Variants in ZNF100 observed in about 807,000 individuals in gnomAD.
ZNF100 encodes zinc finger protein 100.
ZNF100 carries 12 observed loss-of-function variants against 15.8 expected under a neutral mutation model. The observed-to-expected ratio is 0.76, with a 90% CI of 0.49 to 1.23. ZNF100 has a LOEUF of 1.23. Ranked by LOEUF, ZNF100 falls within the 50% of genes most tolerant of loss-of-function variation. The pLI, the probability that ZNF100 is intolerant of heterozygous loss-of-function variation, is 0.00. For synonymous variants in ZNF100, 226 were observed against 214.8 expected (o/e 1.05, Z -0.45); for missense variants, 670 against 635.6 (o/e 1.05, Z -0.58).
chr19:21,753,087 CA>C (rs1181903742), intron 2 of ZNF100: 1 of 152,122 alleles, frequency 6.6e-6, no homozygotes, highest in Non-Finnish European at 1.5e-5. Context: ...GCTTTATATT[CA>C]AAATTCTCAA....
chr19:21,733,766 C>T (rs1335981319), intron 4 of ZNF100, among the ~76,000 whole-genome samples: 1 of 152,244 alleles, frequency 6.6e-6, no homozygotes, highest in Admixed American at 6.5e-5. Flanking sequence ...TGAGGACCAC[C>T]CCACCAACAG....
chr19:21,734,290 C>G (rs2035971817), intron 4 of ZNF100, among the ~76,000 whole-genome samples: 1 of 152,044 alleles, frequency 6.6e-6, no homozygotes, highest in Non-Finnish European at 1.5e-5. Flanking sequence ...CATGTTCTAA[C>G]CCAATGCAAA....
At chr19:21,751,892 T>C (rs1490564243) in intron 2 of ZNF100, 3 of 644,654 alleles carry the variant, frequency 4.7e-6, no homozygotes, top group Non-Finnish European at 8.4e-6. Context: ...TCATTGGTAT[T>C]CAGCACTCTA....
chr19:21,766,948 C>T (rs2036573242), intron 1 of ZNF100, among the ~76,000 whole-genome samples: 2 of 152,108 alleles, frequency 1.3e-5, no homozygotes, highest in Admixed American at 1.3e-4. Flanking sequence ...GAGGGGAGAT[C>T]GCGCCACTAA....
intron 2 of ZNF100, chr19:21,751,653 A>G: frequency 7.0e-7 from 1 of 1,424,994 alleles, no homozygotes; most frequent in East Asian, 2.3e-5. Flanking sequence ...GACATGAATG[A>G]AATGGAAAGG....
chr19:21,732,639 A>T (rs2145693187), intron 4 of ZNF100, among the ~76,000 whole-genome samples: 1 of 149,350 alleles, frequency 6.7e-6, no homozygotes, highest in East Asian at 1.9e-4. Context: ...TATATATATA[A>T]TATATGTAAA....
At position 21,725,906 on chromosome 19, in the gene ZNF100, G is replaced by A. The variant is rs1173422498; in HGVS notation, c.*777C>T. ...TTAAAATTTTTAAAAAATTTTTCCT[G>A]TATCTGCAAAAATATGTTTTAGTAT... On this transcript the variant is annotated 3_prime_UTR_variant, in exon 5 of 5. Transcript: ENST00000358296. 1 of 151,960 alleles carries A rather than the reference G, an allele frequency of 6.6e-6. No homozygotes were observed. The highest frequency in any genetic ancestry group is 1.5e-5 in the Non-Finnish European group (1 of 67,944). 9.4% of individuals were successfully genotyped at this position (151,960 alleles called of 1,614,324 possible). A position where few individuals can be genotyped will look rare whatever the true frequency, so the allele number is the denominator to read the frequency against.
chr19:21,743,762 C>G (rs141591956), intron 4 of ZNF100, among the ~76,000 whole-genome samples: 259 of 148,638 alleles, frequency 1.7e-3, no homozygotes, highest in African/African-American at 5.9e-3. Context: ...CTCTGGCTCT[C>G]ACTGTAAACC....
At chr19:21,744,337 A>G (rs1331515949) in intron 3 of ZNF100, among the ~76,000 whole-genome samples, 1 of 152,174 alleles carries the variant, frequency 6.6e-6, no homozygotes, top group East Asian at 1.9e-4. Flanking sequence ...TGATGAATGG[A>G]TTTTAAAATA....
Position 21,745,074 on chromosome 19 carries a change from A to C in ZNF100, c.97-7T>G, listed in dbSNP as rs763788832. ...CCCTAAACGTCAATGGCCCCTGAAA[A>C]GCACAAGCACAGAGACACACATATA... On this transcript the variant is annotated splice_region_variant and splice_polypyrimidine_tract_variant and intron_variant, in intron 2 of 4. Coordinates refer to ENST00000358296, the MANE Select transcript of ZNF100 (RefSeq NM_173531.4). 1.2e-6 allele frequency: 2 copies of C among 1,606,168 alleles called. No individual in the cohort carries two copies. Among genetic ancestry groups the C allele is most frequent in the South Asian group, 2.2e-5 (2 of 89,416 alleles).
At position 21,727,261 on chromosome 19, in the gene ZNF100, C is replaced by T. The variant is rs2035816646; in HGVS notation, c.1051G>A (p.Gly351Ser). The T allele has an allele frequency of 1.2e-6, 2 of 1,613,632 alleles. No homozygotes were observed. The highest frequency in any genetic ancestry group is 1.7e-6 in the Non-Finnish European group (2 of 1,179,926). The change falls in exon 5 of 5, where the codon GGC (glycine) becomes AGC (serine). Residue 351 changes from glycine (G) to serine (S), a missense_variant. By Grantham distance (56) the Gly-to-Ser change is moderately conservative. Transcript: ENST00000358296. ...GTTGAGGACTGGTTAAAGGCTTTGC[C>T]ACATTCTTCACATTTGTAGGGTTTC... ...GEKPYKCEEC[G>S]KAFNQSSTLT...
At chr19:21,751,802 C>T in intron 2 of ZNF100, 2 of 1,155,786 alleles carry the variant, frequency 1.7e-6, no homozygotes, top group Non-Finnish European at 2.5e-6. Context: ...AGCACAGAAC[C>T]TAGAGGCTAT....
At position 21,726,909 on chromosome 19, in the gene ZNF100, C is replaced by T. The variant is rs1459580740; in HGVS notation, c.1403G>A (p.Arg468Gln). 10 of 1,607,320 alleles carry T rather than the reference C, an allele frequency of 6.2e-6. No homozygotes were observed. The East Asian group carries it at 6.8e-5, about 11-fold the overall frequency. ...KCDECGKAFNRSSQLTAHKMI... is the reference protein window; with the variant it reads ...KCDECGKAFNQSSQLTAHKMI... Reference sequence around the variant, plus strand: ...CTTATGTGCAGTTAGTTGTGAGGACCGGTTAAAGGCTTTGCCACATTCGTC... The same window carrying T: ...CTTATGTGCAGTTAGTTGTGAGGACTGGTTAAAGGCTTTGCCACATTCGTC... The change falls in exon 5 of 5, where the codon CGG becomes CAG. Residue 468 changes from arginine to glutamine, a missense_variant. Physicochemically the swap from Arg to Gln is conservative, Grantham distance 43. Coordinates refer to ENST00000358296, the MANE Select transcript of ZNF100 (RefSeq NM_173531.4).
At chr19:21,746,176 A>G (rs1418816034) in intron 2 of ZNF100, among the ~76,000 whole-genome samples, 1 of 152,254 alleles carries the variant, frequency 6.6e-6, no homozygotes, top group Non-Finnish European at 1.5e-5. Flanking sequence ...GCTTATGCAC[A>G]TAGAAGAACA....
At chr19:21,754,292 T>C (rs2036357648) in intron 2 of ZNF100, among the ~76,000 whole-genome samples, 2 of 152,104 alleles carry the variant, frequency 1.3e-5, no homozygotes, top group South Asian at 2.1e-4. Context: ...GAGTCAAGTA[T>C]TGATAGCTGT....
chr19:21,752,233 A>G (rs544659566), intron 2 of ZNF100: 1 of 153,256 alleles, frequency 6.5e-6, no homozygotes, highest in Admixed American at 6.5e-5. Context: ...TAGGTTTTTT[A>G]AACAATAGTT....
At chr19:21,730,445 A>AGT (rs58942514) in intron 4 of ZNF100, among the ~76,000 whole-genome samples, 4,311 of 147,620 alleles carry the variant, frequency 0.029, 70 homozygotes, top group Middle Eastern at 0.076. Flanking sequence ...TGATAACCTA[A>AGT]GTGTGTGTGT....
At chr19:21,763,884 C>T (rs78274386) in intron 2 of ZNF100, among the ~76,000 whole-genome samples, 4,482 of 152,204 alleles carry the variant, frequency 0.029, 65 homozygotes, top group Middle Eastern at 0.051. Context: ...TGGTATTCCT[C>T]CTGTTCTAAT....
At position 21,745,053 on chromosome 19, in the gene ZNF100, A is replaced by C; in HGVS notation, c.111T>G (p.Phe37Leu). The change falls in exon 3 of 5, where the codon TTT (phenylalanine) becomes TTG (leucine). Residue 37 changes from phenylalanine (F) to leucine (L), a missense_variant. Phe to Leu is a conservative substitution (Grantham distance 22). Transcript: ENST00000358296. ...GAGAGAATTCTATGGCCACATCCCT[A>C]AACGTCAATGGCCCCTGAAAAGCAC... Reference protein sequence around the residue: ...QSYFEKGPLTFRDVAIEFSLE... With the variant: ...QSYFEKGPLTLRDVAIEFSLE... 1.2e-6 allele frequency: 2 copies of C among 1,612,670 alleles called. No homozygotes were observed. The highest frequency in any genetic ancestry group is 1.1e-5 in the South Asian group (1 of 90,738).
Sources: allele counts gnomAD v4.1 joint callset (sites outside exome capture counted in the v4.1 genomes callset), GRCh38; gene constraint gnomAD v4.1.1; transcripts MANE v1.5; gene names NCBI Gene and HGNC (gene_info 2026-07-23, HGNC 2026-07-21).